SLC4A10: variants seen among roughly 807,000 people sequenced by gnomAD.
SLC4A10 encodes solute carrier family 4 member 10, also known as sodium-driven chloride bicarbonate exchanger.
Under a neutral mutation model 137.7 loss-of-function variants are expected in SLC4A10, and 42 were observed. That is an observed-to-expected ratio of 0.30 (90% CI 0.24 to 0.39). SLC4A10 has a LOEUF of 0.39. Among genes scored for constraint, SLC4A10 ranks in the 10% least tolerant of loss-of-function variants. SLC4A10 has a pLI of 1.00. For synonymous variants in SLC4A10, 474 were observed against 464.1 expected (o/e 1.02, Z -0.27); for missense variants, 925 against 1,355.0 (o/e 0.68, Z 4.98).
chr2:161,657,390 G>A (rs974213759), intron 1 of SLC4A10, among the ~76,000 whole-genome samples: 17 of 151,960 alleles, frequency 1.1e-4, no homozygotes, highest in East Asian at 5.8e-4. Flanking sequence ...TGTAAAATTC[G>A]TAAAATTAAA....
chr2:161,735,425 A>T (rs2047243754), intron 1 of SLC4A10, among the ~76,000 whole-genome samples: 2 of 152,130 alleles, frequency 1.3e-5, no homozygotes, highest in African/African-American at 4.8e-5. Context: ...TTACTTATAA[A>T]TGACTCAGAC....
At chr2:161,926,637 C>T (rs1023280026) in intron 15 of SLC4A10, among the ~76,000 whole-genome samples, 2 of 141,056 alleles carry the variant, frequency 1.4e-5, no homozygotes, top group Non-Finnish European at 3.1e-5. Flanking sequence ...TTACTTGATG[C>T]AGTTACTTCC....
intron 12 of SLC4A10, chr2:161,902,277 A>C: frequency 4.5e-6 from 1 of 223,052 alleles, no homozygotes; most frequent in Non-Finnish European, 9.2e-6. Context: ...ATTGATTAGA[A>C]TCAATGGTCT....
chr2:161,650,659 T>A (rs1353015869), intron 1 of SLC4A10, among the ~76,000 whole-genome samples: 1 of 152,156 alleles, frequency 6.6e-6, no homozygotes, highest in Non-Finnish European at 1.5e-5. Context: ...CTGCTCTAAT[T>A]TCGGAGCAAA....
At chr2:161,663,407 G>A (rs1220950641) in intron 1 of SLC4A10, among the ~76,000 whole-genome samples, 1 of 151,888 alleles carries the variant, frequency 6.6e-6, no homozygotes, top group African/African-American at 2.4e-5. Context: ...ATTTTTAAGT[G>A]GCGATTACTC....
Position 161,862,999 on chromosome 2 carries a change from A to G in SLC4A10, c.703A>G (p.Ile235Val). The G allele has an allele frequency of 1.2e-6, 2 of 1,613,974 alleles. No individual in the cohort carries two copies. Among genetic ancestry groups the G allele is most frequent in the South Asian group, 1.1e-5 (1 of 91,078 alleles). ...NQKKLTNRIP[I>V]VRSFADIGKK... ...GAAAAAACTCACCAACAGGATTCCC[A>G]TTGTTCGTTCCTTTGCTGATATTGG... The change falls in exon 6 of 27, where the codon ATT (isoleucine) becomes GTT (valine). Residue 235 changes from isoleucine (I) to valine (V), a missense_variant. Around this residue, in one of 11 missense-constraint regions of SLC4A10, gnomAD observed 277 missense variants for 306.1 expected, o/e 0.90. Coordinates refer to ENST00000446997, the MANE Select transcript of SLC4A10 (RefSeq NM_001178015.2).
intron 26 of SLC4A10, among the ~76,000 whole-genome samples, chr2:161,981,193 C>T (rs1700171012): frequency 6.6e-6 from 1 of 152,214 alleles, no homozygotes; most frequent in Non-Finnish European, 1.5e-5. Flanking sequence ...CTAATAGTGC[C>T]ACTTGGCACA....
At chr2:161,733,404 T>C (rs1403987249) in intron 1 of SLC4A10, among the ~76,000 whole-genome samples, 1 of 152,224 alleles carries the variant, frequency 6.6e-6, no homozygotes, top group African/African-American at 2.4e-5. Flanking sequence ...CTTGGCAGCT[T>C]CCACATGGTG....
chr2:161,980,044 T>G (rs1250712872), intron 26 of SLC4A10, among the ~76,000 whole-genome samples: 1 of 151,954 alleles, frequency 6.6e-6, no homozygotes, highest in Non-Finnish European at 1.5e-5. Context: ...GACAAGAGCC[T>G]CTGCAGCTTA....
chr2:161,905,452 C>A (rs1402661013), intron 14 of SLC4A10, among the ~76,000 whole-genome samples, 190 bp from the exon 15 acceptor site: 1 of 152,182 alleles, frequency 6.6e-6, no homozygotes, highest in Non-Finnish European at 1.5e-5. Context: ...GCTGTGCAAC[C>A]CTTTTCATAA....
intron 8 of SLC4A10, among the ~76,000 whole-genome samples, chr2:161,876,579 G>C (rs1021146242): frequency 1.3e-5 from 2 of 152,088 alleles, no homozygotes; most frequent in Admixed American, 6.6e-5. Flanking sequence ...TCAGAAGGCT[G>C]AAATGGAAGG....
chr2:161,669,532 C>A (rs1270613898), intron 1 of SLC4A10, among the ~76,000 whole-genome samples: 1 of 151,786 alleles, frequency 6.6e-6, no homozygotes, highest in Non-Finnish European at 1.5e-5. Context: ...ATTTGTCATA[C>A]AAATACTATT....
At chr2:161,741,502 C>A (rs2125246594) in intron 1 of SLC4A10, among the ~76,000 whole-genome samples, 1 of 152,268 alleles carries the variant, frequency 6.6e-6, no homozygotes, top group South Asian at 2.1e-4. Flanking sequence ...CCCAGCCCCA[C>A]TCCCATAACC....
At chr2:161,746,247 G>T (rs913470330) in intron 1 of SLC4A10, among the ~76,000 whole-genome samples, 2 of 151,990 alleles carry the variant, frequency 1.3e-5, no homozygotes, top group African/African-American at 4.8e-5. Context: ...GGAGGTTTAG[G>T]AATATCCCTG....
At chr2:161,750,840 T>C (rs180797575) in intron 1 of SLC4A10, among the ~76,000 whole-genome samples, 13 of 151,938 alleles carry the variant, frequency 8.6e-5, no homozygotes, top group Non-Finnish European at 1.6e-4. Context: ...ATTTTATTGC[T>C]ATCAGTTTCT....
chr2:161,767,235 CA>C (rs2051000643), intron 1 of SLC4A10, among the ~76,000 whole-genome samples: 1 of 114,830 alleles, frequency 8.7e-6, no homozygotes. Context: ...TATATATACA[CA>C]TATATATATA....
In SLC4A10 at chr2:161,719,146, G is replaced by A. The variant is rs934382444; in HGVS notation, c.49-51827G>A. ...TCAGTTCCCACCTATGAGTGAGAAC[G>A]TGCAGTGTTTGGTTTTCTCTCCTTG... On this transcript the variant is annotated intron_variant, in intron 1 of 26. Transcript: ENST00000446997. Among the ~76,000 whole-genome samples the A allele has an allele frequency of 9.9e-5, 15 of 151,882 alleles. No individual in the cohort carries two copies. In the South Asian group the frequency reaches 1.0e-3, roughly 10 times the overall value.
At chr2:161,968,562 A>G (rs1012959625) in intron 23 of SLC4A10, among the ~76,000 whole-genome samples, 1 of 152,212 alleles carries the variant, frequency 6.6e-6, no homozygotes, top group Non-Finnish European at 1.5e-5. Context: ...GCAGTACATT[A>G]ACTAGGCAGG....
chr2:161,624,476 G>T lies in SLC4A10; in HGVS notation c.-43G>T. 6.4e-7 allele frequency: 1 copy of T among 1,551,474 alleles called. No homozygotes were observed. Among genetic ancestry groups the T allele is most frequent in the Non-Finnish European group, 8.7e-7 (1 of 1,146,820 alleles). ...GCCGGGCTGAGTGTAAGACACTGAA[G>T]ACACTGCAGAGCAAGGTGCTTATTC... On this transcript the variant is annotated 5_prime_UTR_variant, in exon 1 of 27. Transcript: ENST00000446997.
Sources: allele counts gnomAD v4.1 joint callset (sites outside exome capture counted in the v4.1 genomes callset), GRCh38; gene constraint gnomAD v4.1.1; regional missense constraint gnomAD v4.1.1; transcripts MANE v1.5; gene names NCBI Gene and HGNC (gene_info 2026-07-23, HGNC 2026-07-21).